Variants in LRPPRC observed in about 807,000 individuals in gnomAD.
LRPPRC encodes the protein leucine rich pentatricopeptide repeat containing, also known as leucine-rich PPR motif-containing protein, mitochondrial.
Under a neutral mutation model 180.3 loss-of-function variants are expected in LRPPRC, and 120 were observed. That is an observed-to-expected ratio of 0.67 (90% CI 0.57 to 0.77). The LOEUF is 0.77. Among genes scored for constraint, LRPPRC ranks in the 30% least tolerant of loss-of-function variants. LRPPRC has a pLI of 0.00. For synonymous variants in LRPPRC, 723 were observed against 600.0 expected, an observed-to-expected ratio of 1.21 and a Z score of -3.00; for missense variants, 2,012 against 1,657.2, an observed-to-expected ratio of 1.21 and a Z score of -3.72.
intron 24 of LRPPRC, among the ~76,000 whole-genome samples, 197 bp downstream of exon 24, chr2:43,934,557 A>T (rs1353468009): frequency 2.7e-4 from 41 of 152,072 alleles, no homozygotes; most frequent in Admixed American, 2.7e-3. Flanking sequence ...ACATTTTTTC[A>T]AAATGAACAG....
intron 1 of LRPPRC, 94 bp downstream of exon 1, chr2:43,995,705 G>A: frequency 8.5e-7 from 1 of 1,179,660 alleles, no homozygotes; most frequent in Non-Finnish European, 1.1e-6. Context: ...GAGAAGGGTG[G>A]CGAGCACAGG....
intron 14 of LRPPRC, among the ~76,000 whole-genome samples, chr2:43,956,903 A>T (rs538941676): frequency 2.6e-5 from 4 of 152,186 alleles, no homozygotes; most frequent in South Asian, 4.2e-4. Flanking sequence ...AAAATAAATC[A>T]AATAAAAAAG....
At chr2:43,974,981 G>T in intron 7 of LRPPRC, 110 bp downstream of exon 7, 1 of 1,188,266 alleles carries the variant, frequency 8.4e-7, no homozygotes, top group Non-Finnish European at 1.2e-6. Context: ...CTTTCTGCAA[G>T]GAAACATCTT....
At chr2:43,926,094 T>C (rs1671868673) in intron 25 of LRPPRC, 133 bp from the exon 26 acceptor site, 3 of 618,056 alleles carry the variant, frequency 4.9e-6, no homozygotes, top group Non-Finnish European at 8.7e-6. Flanking sequence ...CTAAACTATA[T>C]ATACTAGTAT....
At chr2:43,948,617 C>G (rs1672785473) in intron 16 of LRPPRC, 99 bp from the exon 17 acceptor site, 15 of 733,968 alleles carry the variant, frequency 2.0e-5, no homozygotes, top group Middle Eastern at 2.3e-4. Context: ...TGAGATGTCA[C>G]CCTGATGAGA....
intron 14 of LRPPRC, among the ~76,000 whole-genome samples, chr2:43,953,249 A>G (rs1167872366): frequency 6.6e-6 from 1 of 152,230 alleles, no homozygotes; most frequent in Non-Finnish European, 1.5e-5. Context: ...GGAGTAGAAG[A>G]AAGAAATCAC....
intron 27 of LRPPRC, among the ~76,000 whole-genome samples, chr2:43,920,154 G>A (rs1357327542): frequency 6.8e-6 from 1 of 147,668 alleles, no homozygotes; most frequent in Non-Finnish European, 1.5e-5. Flanking sequence ...TATTTTTTTT[G>A]AGATGGAGTC....
chr2:43,961,869 A>C (rs1443104569), intron 12 of LRPPRC, among the ~76,000 whole-genome samples: 1 of 152,118 alleles, frequency 6.6e-6, no homozygotes, highest in African/African-American at 2.4e-5. Context: ...GCTGAGGCAG[A>C]AGAATCGCTT....
intron 11 of LRPPRC, among the ~76,000 whole-genome samples, chr2:43,972,859 T>G (rs1431212447): frequency 6.6e-6 from 1 of 152,186 alleles, no homozygotes; most frequent in Admixed American, 6.5e-5. Context: ...TACTTCGAGA[T>G]AAAATGAAAA....
intron 30 of LRPPRC, among the ~76,000 whole-genome samples, chr2:43,908,536 G>A (rs1671140889): frequency 6.6e-6 from 1 of 151,896 alleles, no homozygotes; most frequent in Non-Finnish European, 1.5e-5. Flanking sequence ...GGAAAACTAT[G>A]GCCTTTTTTT....
At chr2:43,965,814 A>C (rs1351553096) in intron 11 of LRPPRC, among the ~76,000 whole-genome samples, 4 of 152,208 alleles carry the variant, frequency 2.6e-5, no homozygotes, top group African/African-American at 9.6e-5. Flanking sequence ...CCACAATGAG[A>C]TATCACCTTA....
At position 43,899,252 on chromosome 2, in the gene LRPPRC, T is replaced by A. The variant is rs908822636; in HGVS notation, c.3792A>T (p.Ala1264=). Residue 1264 remains alanine, a synonymous_variant, in exon 34 of 38, where the codon GCA becomes GCT. Coordinates refer to ENST00000260665, the MANE Select transcript of LRPPRC (RefSeq NM_133259.4). ...VTDFFLQLVD[A]GKVDDARALL... ...GAGCTCTGGCATCATCCACCTTGCC[T>A]GCATCCACAAGTTGAAGGAAAAAAT... The A allele has an allele frequency of 6.2e-7, 1 of 1,614,074 alleles. No individual in the cohort carries two copies. The highest frequency in any genetic ancestry group is 1.7e-5 in the Admixed American group (1 of 60,026).
At chr2:43,902,984 CT>C (rs1324088978) in intron 31 of LRPPRC, 1 of 152,156 alleles carries the variant, frequency 6.6e-6, no homozygotes, top group East Asian at 1.9e-4. Context: ...GATGAGACCC[CT>C]GGGCACAGAG....
intron 12 of LRPPRC, among the ~76,000 whole-genome samples, chr2:43,961,900 T>C (rs1286289098): frequency 4.6e-5 from 7 of 151,788 alleles, no homozygotes; most frequent in Non-Finnish European, 1.0e-4. Context: ...GCAGAGGAGG[T>C]TGCAATGAGA....
intron 2 of LRPPRC, among the ~76,000 whole-genome samples, chr2:43,981,067 G>C (rs889660618): frequency 6.6e-6 from 1 of 152,126 alleles, no homozygotes; most frequent in African/African-American, 2.4e-5. Context: ...GGAAGCTACA[G>C]AATCCTCTTA....
chr2:43,993,178 A>G (rs1315707730), intron 1 of LRPPRC, among the ~76,000 whole-genome samples: 1 of 152,192 alleles, frequency 6.6e-6, no homozygotes, highest in Non-Finnish European at 1.5e-5. Flanking sequence ...TTGGTAATTA[A>G]AAGAGGTCCT....
chr2:43,942,018 A>C (rs995754242), intron 23 of LRPPRC, among the ~76,000 whole-genome samples: 17 of 152,048 alleles, frequency 1.1e-4, no homozygotes, highest in African/African-American at 3.6e-4. Flanking sequence ...ATCTGACTTC[A>C]GGATATAATC....
At chr2:43,989,283 A>T (rs1351075469) in intron 1 of LRPPRC, among the ~76,000 whole-genome samples, 1 of 152,320 alleles carries the variant, frequency 6.6e-6, no homozygotes, top group East Asian at 1.9e-4. Flanking sequence ...ACAGAATTTT[A>T]GACTAAAAAA....
intron 30 of LRPPRC, among the ~76,000 whole-genome samples, chr2:43,906,799 C>A (rs1338170754): frequency 6.6e-6 from 1 of 152,162 alleles, no homozygotes; most frequent in African/African-American, 2.4e-5. Flanking sequence ...CATGCCCATT[C>A]TCTCAGTCAC....
Sources: allele counts gnomAD v4.1 joint callset (sites outside exome capture counted in the v4.1 genomes callset), GRCh38; gene constraint gnomAD v4.1.1; transcripts MANE v1.5; gene names NCBI Gene and HGNC (gene_info 2026-07-23, HGNC 2026-07-21).